Variants in ZNF814 observed in about 807,000 individuals in gnomAD.
ZNF814 encodes the protein zinc finger protein 814.
ZNF814 carries 5 observed loss-of-function variants against 7.5 expected under a neutral mutation model. The ratio of observed to expected loss-of-function variants is 0.67; its 90% CI spans 0.35 to 1.40. The LOEUF (loss-of-function observed/expected upper bound fraction) is 1.40. ZNF814 is among the 40% of genes most tolerant of loss of function. ZNF814 has a pLI of 0.04. For missense variants in ZNF814, 962 were observed against 1,018.0 expected (o/e 0.94, Z 0.75); for synonymous variants, 315 against 340.7 (o/e 0.92, Z 0.83).
chr19:57,873,036 G>T lies in ZNF814; in HGVS notation c.2354C>A (p.Ser785Tyr), dbSNP rs1385960467. Residue 785 changes from serine to tyrosine, a missense_variant, in exon 3 of 3, where the codon TCC becomes TAC. Around this residue, in one of 7 missense-constraint regions of ZNF814, gnomAD observed 665 missense variants for 551.4 expected, o/e 1.21. Transcript: ENST00000435989. ...SECGKSFAES[S>Y]SFTKHKRVHT... ...AACTCTTTTGTGTTTTGTGAAACTGGAGCTTTCAGCGAAAGATTTTCCACA... is the reference window on the plus strand; with the variant it reads ...AACTCTTTTGTGTTTTGTGAAACTGTAGCTTTCAGCGAAAGATTTTCCACA... 1 of 1,613,510 alleles carries T rather than the reference G, an allele frequency of 6.2e-7. No individual in the cohort carries two copies. The highest frequency in any genetic ancestry group is 1.1e-5 in the South Asian group (1 of 90,972).
upstream of ZNF814, among the ~76,000 whole-genome samples, chr19:57,889,943 C>G (rs531847391): frequency 3.3e-5 from 5 of 152,296 alleles, no homozygotes; most frequent in South Asian, 8.3e-4. Context: ...CATCCTGCCT[C>G]TCCTTAGAAC....
chr19:57,889,176 A>C, upstream of ZNF814: 1 of 400,922 alleles, frequency 2.5e-6, no homozygotes, highest in Non-Finnish European at 4.4e-6. Context: ...CCTAGGCAAC[A>C]AGGAGGGTAA....
upstream of ZNF814, among the ~76,000 whole-genome samples, chr19:57,890,197 C>T (rs2071727022): frequency 6.6e-6 from 1 of 152,152 alleles, no homozygotes; most frequent in South Asian, 2.1e-4. Context: ...TTTCCTACTG[C>T]CCAGATAAAG....
chr19:57,898,960 AAAG>A, the ZNF814 span, among the ~76,000 whole-genome samples: 1 of 151,638 alleles, frequency 6.6e-6, no homozygotes, highest in East Asian at 1.9e-4. Flanking sequence ...AAAAAAAAGA[AAAG>A]AAAAAATCAG....
At chr19:57,883,433 C>T (rs1454376824) in intron 1 of ZNF814, among the ~76,000 whole-genome samples, 2 of 150,888 alleles carry the variant, frequency 1.3e-5, no homozygotes, top group Admixed American at 6.6e-5. Flanking sequence ...GAGGCCAAGG[C>T]GGATGGATCA....
At chr19:57,903,142 A>G in the ZNF814 span, among the ~76,000 whole-genome samples, 1,490 of 152,276 alleles carry the variant, frequency 9.8e-3, 26 homozygotes, top group African/African-American at 0.034. Context: ...GGGAGGCATC[A>G]CCGTCCATTC....
intron 1 of ZNF814, among the ~76,000 whole-genome samples, chr19:57,885,311 G>A (rs1277420846): frequency 6.8e-6 from 1 of 146,032 alleles, no homozygotes; most frequent in African/African-American, 2.6e-5. Flanking sequence ...AACAGAGAAG[G>A]ACTCCGTCTC....
rs556890659 is a variant in ZNF814, at chr19:57,874,846, T to C, written c.544A>G (p.Arg182Gly). ...FSESGKDFLP[R>G]SGLLQQEASH... ...GCCTCCTGCTGGAGTAATCCTGACC[T>C]GGGCAAAAAGTCCTTCCCACTCTCA... Residue 182 changes from arginine (R) to glycine (G), a missense_variant, in exon 3 of 3, where the codon AGG becomes GGG. Physicochemically the swap from Arg to Gly is moderately radical, Grantham distance 125 (BLOSUM62 -2). Coordinates refer to ENST00000435989, the MANE Select transcript of ZNF814 (RefSeq NM_001144989.2). 1.2e-6 allele frequency: 2 copies of C among 1,614,166 alleles called. No individual in the cohort carries two copies. The highest frequency in any genetic ancestry group is 4.5e-5 in the East Asian group (2 of 44,880).
chr19:57,876,906 A>G lies in ZNF814; in HGVS notation c.163+10T>C, dbSNP rs764823957. ...TAGCTCAGGTCACAGGGTGAGTGTGAGCAACTTACCCAGGGAGGATATAAG... is the reference window on the plus strand; with the variant it reads ...TAGCTCAGGTCACAGGGTGAGTGTGGGCAACTTACCCAGGGAGGATATAAG... On this transcript the variant is annotated intron_variant, in intron 2 of 2. Coordinates refer to ENST00000435989, the MANE Select transcript of ZNF814 (RefSeq NM_001144989.2). 2 of 1,614,070 alleles carry G rather than the reference A, an allele frequency of 1.2e-6. No individual in the cohort carries two copies. Among genetic ancestry groups the G allele is most frequent in the South Asian group, 2.2e-5 (2 of 91,072 alleles).
the ZNF814 span, chr19:57,900,289 A>G: frequency 1.3e-5 from 2 of 152,208 alleles, no homozygotes; most frequent in South Asian, 4.1e-4. Flanking sequence ...CACACAAAAT[A>G]TTGATGAACA....
At chr19:57,900,188 A>G in the ZNF814 span, 28 of 152,306 alleles carry the variant, frequency 1.8e-4, no homozygotes, top group African/African-American at 6.7e-4. Context: ...GCTTCTGCTC[A>G]AAGGGCTGAA....
chr19:57,877,709 A>C (rs754768931), intron 1 of ZNF814, among the ~76,000 whole-genome samples: 17 of 152,064 alleles, frequency 1.1e-4, no homozygotes, highest in Non-Finnish European at 2.1e-4. Context: ...CCAAAGTGCT[A>C]AAACTACAGG....
Position 57,872,897 on chromosome 19 carries a change from C to G in ZNF814, c.2493G>C (p.Glu831Asp), listed in dbSNP as rs1482849962. ...VHTGEKPYKC[E>D]KCGKLFNKKS... ...TCTTGTTAAATAATTTCCCACATTT[C>G]TCACATTTATAAGGCTTTTCTCCAG... Residue 831 changes from glutamate (E) to aspartate (D), a missense_variant, in exon 3 of 3, where the codon GAG becomes GAC. By Grantham distance (45) the Glu-to-Asp change is conservative (BLOSUM62 2). Coordinates refer to ENST00000435989, the MANE Select transcript of ZNF814 (RefSeq NM_001144989.2). 1.2e-6 allele frequency: 2 copies of G among 1,612,390 alleles called. No homozygotes were observed. The highest frequency in any genetic ancestry group is 1.7e-6 in the Non-Finnish European group (2 of 1,179,512).
chr19:57,873,750 A>T lies in ZNF814; in HGVS notation c.1640T>A (p.Leu547His). ...NHQQIHTGDRLYECGECGKSF... is the reference protein window; with the variant it reads ...NHQQIHTGDRHYECGECGKSF... ...TTTCCCACACTCTCCACACTCATAA[A>T]GTCTGTCCCCAGTGTGAATTTGCTG... Residue 547 changes from leucine to histidine, a missense_variant, in exon 3 of 3, where the codon CTT becomes CAT. Around this residue, in one of 7 missense-constraint regions of ZNF814, gnomAD observed 665 missense variants for 551.4 expected, o/e 1.21. Transcript: ENST00000435989. The T allele has an allele frequency of 1.2e-6, 2 of 1,612,252 alleles. No individual in the cohort carries two copies. Among genetic ancestry groups the T allele is most frequent in the Non-Finnish European group, 1.7e-6 (2 of 1,179,534 alleles).
chr19:57,878,023 G>T lies in ZNF814; in HGVS notation c.37-981C>A, dbSNP rs1369584427. Among the ~76,000 whole-genome samples, 7 of 151,960 alleles carry T rather than the reference G, an allele frequency of 4.6e-5. No individual in the cohort carries two copies. The East Asian group carries it at 1.4e-3, about 30-fold the overall frequency. ...CTACTAAAAATACAAAAAATTAGCT[G>T]AGCGTGGTGTCGGGCGCCTGTGATC... On this transcript the variant is annotated intron_variant, in intron 1 of 2. Coordinates refer to ENST00000435989, the MANE Select transcript of ZNF814 (RefSeq NM_001144989.2).
At chr19:57,901,050 G>GTGTTAACCAGGA in the ZNF814 span, among the ~76,000 whole-genome samples, 1,339 of 151,046 alleles carry the variant, frequency 8.9e-3, 31 homozygotes, top group African/African-American at 0.03. Context: ...GGGTTTCACC[G>GTGTTAACCAGGA]TGGTCTTGAT....
rs2071594317 is a variant in ZNF814 at position 57,874,997 on chromosome 19, GTCATACAATT to G, written c.383_392del (p.Lys128ThrfsTer90). ...TCTGGTGCTGATGAAAGTTTCCACT[GTCATACAATT>G]TATTCCCCCAGGCCTCACACCTGTG... On this transcript the variant is annotated frameshift_variant, in exon 3 of 3. Coordinates refer to ENST00000435989, the MANE Select transcript of ZNF814 (RefSeq NM_001144989.2). LOFTEE classifies it low-confidence loss of function (END_TRUNC). 1 of 1,611,580 alleles carries G rather than the reference GTCATACAATT, an allele frequency of 6.2e-7. No homozygotes were observed. The highest frequency in any genetic ancestry group is 1.7e-5 in the Admixed American group (1 of 59,842).
intron 1 of ZNF814, among the ~76,000 whole-genome samples, chr19:57,877,901 A>G (rs534617703): frequency 7.9e-5 from 12 of 152,228 alleles, no homozygotes; most frequent in African/African-American, 2.9e-4. Context: ...GCGGTGGCTC[A>G]CATTTGTAAT....
chr19:57,902,662 T>C, the ZNF814 span, among the ~76,000 whole-genome samples: 1 of 151,144 alleles, frequency 6.6e-6, no homozygotes, highest in African/African-American at 2.5e-5. Flanking sequence ...AATATTACTC[T>C]TCTTTTTTTT....
Sources: gnomAD v4.1 joint callset for allele counts (sites outside exome capture counted in the v4.1 genomes callset) on GRCh38, gnomAD v4.1.1 for gene constraint, gnomAD v4.1.1 regional missense constraint, MANE v1.5 for transcripts, NCBI Gene and HGNC (gene_info 2026-07-23, HGNC 2026-07-21) for gene names.